RTL4: variants seen among roughly 807,000 people sequenced by gnomAD.
The protein encoded by RTL4 is retrotransposon Gag like 4.
In RTL4, 4 loss-of-function variants were observed where a neutral mutation model predicts 5.3. The observed-to-expected ratio is 0.75, with a 90% CI of 0.37 to 1.72. The LOEUF is 1.72. Ranked by LOEUF, RTL4 falls within the 40% of genes most tolerant of loss-of-function variation. The pLI is 0.04. For synonymous variants in RTL4, 98 were observed against 87.3 expected, an observed-to-expected ratio of 1.12 and a Z score of -0.68; for missense variants, 260 against 227.1, an observed-to-expected ratio of 1.14 and a Z score of -0.93.
At chrX:112,451,471 C>T (rs1161681955), upstream of RTL4, among the ~76,000 whole-genome samples, 1 of 110,966 alleles carries the variant, frequency 9.0e-6, no homozygotes, top group Non-Finnish European at 1.9e-5. Flanking sequence ...TGCACTTCAG[C>T]CTAGGCAATA....
the RTL4 span, among the ~76,000 whole-genome samples, chrX:112,196,298 G>A: frequency 9.0e-6 from 1 of 111,295 alleles, no homozygotes; most frequent in African/African-American, 3.3e-5. Flanking sequence ...CATCTAAGTT[G>A]TTGCATGCAT....
At chrX:112,235,634 C>G in the RTL4 span, among the ~76,000 whole-genome samples, 1 of 111,821 alleles carries the variant, frequency 8.9e-6, no homozygotes, top group Admixed American at 9.5e-5. Flanking sequence ...GACTTAAGCA[C>G]AAGTATAAAT....
chrX:112,212,181 C>T, the RTL4 span, among the ~76,000 whole-genome samples: 1 of 111,631 alleles, frequency 9.0e-6, no homozygotes, highest in Admixed American at 9.4e-5. Flanking sequence ...TCAAGACCAT[C>T]CTGGCGAACA....
At chrX:112,398,268 A>T in the RTL4 span, among the ~76,000 whole-genome samples, 22 of 111,015 alleles carry the variant, frequency 2.0e-4, no homozygotes, top group Admixed American at 6.7e-4. Flanking sequence ...GCGATCTGAG[A>T]AGATGGTGAA....
At chrX:112,423,833 A>G in the RTL4 span, among the ~76,000 whole-genome samples, 1 of 112,031 alleles carries the variant, frequency 8.9e-6, no homozygotes, top group South Asian at 3.7e-4. Context: ...TATTTCATTC[A>G]AACTAGTACA....
At chrX:112,219,481 T>C in the RTL4 span, among the ~76,000 whole-genome samples, 1 of 112,206 alleles carries the variant, frequency 8.9e-6, no homozygotes. Flanking sequence ...CACAAACAAA[T>C]ATCACTAAAA....
chrX:112,432,094 T>C, the RTL4 span, among the ~76,000 whole-genome samples: 1 of 96,722 alleles, frequency 1.0e-5, no homozygotes. Flanking sequence ...TATTCCATGG[T>C]GTGTATGTGC....
the RTL4 span, among the ~76,000 whole-genome samples, chrX:112,127,387 A>C: frequency 9.3e-6 from 1 of 107,955 alleles, no homozygotes; most frequent in Non-Finnish European, 1.9e-5. Context: ...TCATGATTCC[A>C]AAAAAAAAAT....
chrX:112,260,625 C>T, the RTL4 span, among the ~76,000 whole-genome samples: 1 of 111,633 alleles, frequency 9.0e-6, no homozygotes, highest in African/African-American at 3.3e-5. Context: ...TTATTATATC[C>T]TGTCATCAGT....
At chrX:112,228,344 C>T in the RTL4 span, among the ~76,000 whole-genome samples, 20 of 111,877 alleles carry the variant, frequency 1.8e-4, no homozygotes, top group African/African-American at 5.8e-4. Context: ...TCAAAGGAAC[C>T]ATTTTTATTT....
the RTL4 span, among the ~76,000 whole-genome samples, chrX:112,370,075 G>A: frequency 8.9e-6 from 1 of 111,833 alleles, no homozygotes; most frequent in Non-Finnish European, 1.9e-5. Flanking sequence ...AAGTCAACTG[G>A]TTATGTAAAT....
At chrX:112,118,748 A>G in the RTL4 span, among the ~76,000 whole-genome samples, 1 of 112,079 alleles carries the variant, frequency 8.9e-6, no homozygotes, top group East Asian at 2.8e-4. Flanking sequence ...GGAAAAAGAG[A>G]CATCAAAATG....
the RTL4 span, among the ~76,000 whole-genome samples, chrX:112,310,051 T>C: frequency 2.2e-4 from 23 of 104,986 alleles, no homozygotes; most frequent in African/African-American, 8.0e-4. Flanking sequence ...TGAGATCCTG[T>C]CTTAAAAAAA....
the RTL4 span, among the ~76,000 whole-genome samples, chrX:112,252,482 A>G: frequency 8.9e-6 from 1 of 112,144 alleles, no homozygotes; most frequent in East Asian, 2.8e-4. Context: ...ATTGTGAGAG[A>G]CAGATTGTAT....
chrX:112,146,531 A>G, the RTL4 span, among the ~76,000 whole-genome samples: 1 of 111,075 alleles, frequency 9.0e-6, no homozygotes, highest in East Asian at 2.8e-4. Context: ...GACAGTTAGC[A>G]TAGAAGAGGG....
chrX:112,332,251 A>C, the RTL4 span, among the ~76,000 whole-genome samples: 1 of 110,994 alleles, frequency 9.0e-6, no homozygotes, highest in Admixed American at 9.6e-5. Flanking sequence ...AAACTGGTTC[A>C]ACCATCGTGG....
the RTL4 span, among the ~76,000 whole-genome samples, chrX:112,427,386 G>A: frequency 2.2e-4 from 24 of 110,459 alleles, no homozygotes; most frequent in Admixed American, 1.3e-3. Flanking sequence ...TGACAAAATC[G>A]AACATCTATT....
At chrX:112,454,296 C>T (rs187640530), upstream of RTL4, among the ~76,000 whole-genome samples, 8 of 112,148 alleles carry the variant, frequency 7.1e-5, no homozygotes, top group East Asian at 2.3e-3. Flanking sequence ...GGGCTGCATT[C>T]AAAGCCATCC....
the RTL4 span, among the ~76,000 whole-genome samples, chrX:112,120,579 G>GTTTTT: frequency 2.2e-5 from 2 of 89,761 alleles, no homozygotes; most frequent in Non-Finnish European, 4.1e-5. Flanking sequence ...GCCCGGCTGG[G>GTTTTT]GTTTTTTTTT....
Sources: allele counts gnomAD v4.1 joint callset (sites outside exome capture counted in the v4.1 genomes callset), GRCh38; gene constraint gnomAD v4.1.1; transcripts MANE v1.5; gene names NCBI Gene and HGNC (gene_info 2026-07-23, HGNC 2026-07-21).